Variants in PAX7 observed in about 807,000 individuals in gnomAD.
The protein encoded by PAX7 is paired box protein Pax-7.
PAX7 carries 18 observed loss-of-function variants against 50.7 expected under a neutral mutation model. That is an observed-to-expected ratio of 0.36 (90% CI 0.25 to 0.53). The LOEUF (loss-of-function observed/expected upper bound fraction) is 0.53. Ranked by LOEUF, PAX7 falls within the 20% of genes least tolerant of loss-of-function variation. The pLI is 0.93. For synonymous variants in PAX7, 310 were observed against 290.4 expected (o/e 1.07, Z -0.69); for missense variants, 644 against 702.9 (o/e 0.92, Z 0.95).
chr1:18,647,580 A>G (rs1196488057), intron 4 of PAX7, among the ~76,000 whole-genome samples: 1 of 152,174 alleles, frequency 6.6e-6, no homozygotes, highest in African/African-American at 2.4e-5. Flanking sequence ...TGAGTGAAGC[A>G]TTCTGAGATC....
In PAX7 at chr1:18,744,962, C is replaced by T; in HGVS notation, c.*33C>T. ...GGGGCGACTTGCCCCAGCCCAATTC[C>T]CAGCCCAACCCTAACTGACCCCTGA... On this transcript the variant is annotated 3_prime_UTR_variant, in exon 9 of 9. Transcript: ENST00000420770. 8.0e-7 allele frequency: 1 copy of T among 1,248,298 alleles called. No individual in the cohort carries two copies. The highest frequency in any genetic ancestry group is 1.1e-6 in the Non-Finnish European group (1 of 871,510). The allele number at this position is 1,248,298 out of a possible 1,614,324, so 77.3% of individuals were successfully genotyped here. A position where few individuals can be genotyped will look rare whatever the true frequency, so the allele number is the denominator to read the frequency against.
chr1:18,640,514 C>T (rs2088234940), intron 4 of PAX7, among the ~76,000 whole-genome samples: 1 of 148,792 alleles, frequency 6.7e-6, no homozygotes, highest in Admixed American at 6.7e-5. Flanking sequence ...GAAGCGGGGG[C>T]GAGGGAGGGG....
Position 18,654,753 on chromosome 1 carries a change from C to T in PAX7, c.586+18382C>T, listed in dbSNP as rs76379493. On this transcript the variant is annotated intron_variant, in intron 4 of 8. Coordinates refer to ENST00000420770, the MANE Select transcript of PAX7 (RefSeq NM_001135254.2). Reference sequence around the variant, plus strand: ...AGGATTTACCATGAGCTAGACACAGCTCCTTTAATCAGCACAGCCCTATGA... The same window carrying T: ...AGGATTTACCATGAGCTAGACACAGTTCCTTTAATCAGCACAGCCCTATGA... 8.7e-3 allele frequency among the ~76,000 whole-genome samples: 1,322 copies of T among 152,374 alleles called. 15 individuals are homozygous for T. The highest frequency in any genetic ancestry group is 0.028 in the African/African-American group (1,151 of 41,582).
rs1329794181 is a variant in PAX7, at chr1:18,631,403, C to T, written c.-201C>T. The T allele has an allele frequency of 1.0e-5, 6 of 581,332 alleles. No homozygotes were observed. Among genetic ancestry groups the T allele is most frequent in the Non-Finnish European group, 6.2e-6 (2 of 322,840 alleles). The allele number at this position is 581,332 out of a possible 1,614,324, so 36.0% of individuals were successfully genotyped here. Reference sequence around the variant, plus strand: ...TCCCCCCAACCTCCACCCCACCTCACCCCCCTCCCCAGCTTCTGGACGCGT... The same window carrying T: ...TCCCCCCAACCTCCACCCCACCTCATCCCCCTCCCCAGCTTCTGGACGCGT... On this transcript the variant is annotated 5_prime_UTR_variant, in exon 1 of 9. Coordinates refer to ENST00000420770, the MANE Select transcript of PAX7 (RefSeq NM_001135254.2).
intron 8 of PAX7, among the ~76,000 whole-genome samples, chr1:18,739,731 T>G (rs1534900): frequency 0.032 from 4,809 of 152,276 alleles, 231 homozygotes; most frequent in African/African-American, 0.11. Flanking sequence ...CGTGGGCTTC[T>G]CATCTTGCCA....
chr1:18,636,259 C>T lies in PAX7; in HGVS notation c.474C>T (p.Arg158=), dbSNP rs747061989. ...GAGGTTTAGTGAGTTCGATTAGCCG[C>T]GTGCTCAGAATCAAGTTCGGGAAGA... ...VPSGLVSSIS[R]VLRIKFGKKE... The change falls in exon 4 of 9, where the codon CGC becomes CGT. Residue 158 remains arginine, a synonymous_variant. Coordinates refer to ENST00000420770, the MANE Select transcript of PAX7 (RefSeq NM_001135254.2). This position sits in a 1 kb window ranked among gnomAD's most constrained non-coding sequence, Gnocchi z 5.1. 2.5e-6 allele frequency: 4 copies of T among 1,614,134 alleles called. No individual in the cohort carries two copies. The South Asian group carries it at 3.3e-5, about 13-fold the overall frequency.
intron 8 of PAX7, among the ~76,000 whole-genome samples, chr1:18,740,386 C>T (rs1446647276): frequency 1.3e-5 from 2 of 152,174 alleles, no homozygotes; most frequent in Non-Finnish European, 2.9e-5. Flanking sequence ...GGATAAGGCA[C>T]GCAGAGTGGC....
At chr1:18,637,430 T>G (rs1029103827) in intron 4 of PAX7, among the ~76,000 whole-genome samples, 7 of 152,162 alleles carry the variant, frequency 4.6e-5, no homozygotes, top group African/African-American at 1.7e-4. Flanking sequence ...GGCGGCAGGC[T>G]GAGGGAATCG....
At chr1:18,662,416 GTTCATTCA>G (rs534267038) in intron 4 of PAX7, among the ~76,000 whole-genome samples, 4 of 151,900 alleles carry the variant, frequency 2.6e-5, no homozygotes, top group African/African-American at 7.3e-5. Context: ...TCCTTCTTTA[GTTCATTCA>G]TTCATTCATT....
At chr1:18,693,880 G>A (rs1162395182) in intron 5 of PAX7, among the ~76,000 whole-genome samples, 2 of 152,202 alleles carry the variant, frequency 1.3e-5, no homozygotes, top group Non-Finnish European at 2.9e-5. Flanking sequence ...GCTTTTATTG[G>A]CCCAGGGGAC....
intron 7 of PAX7, among the ~76,000 whole-genome samples, chr1:18,711,629 TGG>T (rs1297157607): frequency 6.6e-6 from 1 of 152,098 alleles, no homozygotes; most frequent in Non-Finnish European, 1.5e-5. Flanking sequence ...CTCAAGCCCC[TGG>T]GGAAGGACGA....
intron 4 of PAX7, among the ~76,000 whole-genome samples, chr1:18,655,086 C>T (rs1396357949): frequency 2.6e-5 from 4 of 152,198 alleles, no homozygotes; most frequent in Non-Finnish European, 5.9e-5. Flanking sequence ...TTTAACTCTG[C>T]TATTTTGTCT....
intron 4 of PAX7, among the ~76,000 whole-genome samples, chr1:18,654,676 A>G (rs777486812): frequency 1.3e-5 from 2 of 152,246 alleles, no homozygotes; most frequent in African/African-American, 2.4e-5. Context: ...TGAACAGAGC[A>G]TGCTCACGTC....
intron 4 of PAX7, among the ~76,000 whole-genome samples, chr1:18,679,199 C>T (rs1490681446): frequency 1.3e-5 from 2 of 152,174 alleles, no homozygotes; most frequent in African/African-American, 4.8e-5. Flanking sequence ...GGTTTAAGTC[C>T]TTCTTCATGG....
Position 18,631,093 on chromosome 1 carries a change from TATAA to T in PAX7, c.-503_-500del. On this transcript the variant is annotated 5_prime_UTR_variant, in exon 1 of 9. Coordinates refer to ENST00000420770, the MANE Select transcript of PAX7 (RefSeq NM_001135254.2). ...GGGAGCGAGAGCGAGAGAATAAATATATAAATAAATACGAGAACGAAATCCACTC... is the reference window on the plus strand; with the variant it reads ...GGGAGCGAGAGCGAGAGAATAAATATATAAATACGAGAACGAAATCCACTC... 1 of 228,830 alleles carries T rather than the reference TATAA, an allele frequency of 4.4e-6. No individual in the cohort carries two copies. Among genetic ancestry groups the T allele is most frequent in the Non-Finnish European group, 8.7e-6 (1 of 115,256 alleles). The allele number at this position is 228,830 out of a possible 1,614,324, so 14.2% of individuals were successfully genotyped here. A position where few individuals can be genotyped will look rare whatever the true frequency, so the allele number is the denominator to read the frequency against.
intron 7 of PAX7, among the ~76,000 whole-genome samples, chr1:18,717,267 C>G (rs1418683143): frequency 6.6e-6 from 1 of 152,176 alleles, no homozygotes; most frequent in Non-Finnish European, 1.5e-5. Flanking sequence ...GCCGCTCGCT[C>G]GTCCAGTCTT....
intron 8 of PAX7, among the ~76,000 whole-genome samples, chr1:18,743,978 A>T (rs538848981): frequency 2.0e-5 from 3 of 152,320 alleles, no homozygotes; most frequent in Admixed American, 6.5e-5. Flanking sequence ...GTTCACACAC[A>T]CAAGTATGCA....
intron 4 of PAX7, among the ~76,000 whole-genome samples, chr1:18,672,352 A>T (rs942798120): frequency 6.6e-6 from 1 of 152,110 alleles, no homozygotes; most frequent in African/African-American, 2.4e-5. Flanking sequence ...CAGAATACAT[A>T]AGATTCTTAT....
At chr1:18,653,943 C>T (rs2088473955) in intron 4 of PAX7, among the ~76,000 whole-genome samples, 1 of 152,060 alleles carries the variant, frequency 6.6e-6, no homozygotes, top group African/African-American at 2.4e-5. Flanking sequence ...CATGCATGTC[C>T]CCATTCTCGT....
Sources: allele counts gnomAD v4.1 joint callset (sites outside exome capture counted in the v4.1 genomes callset), GRCh38; gene constraint gnomAD v4.1.1; non-coding constraint Gnocchi (gnomAD v3.1); transcripts MANE v1.5; gene names NCBI Gene and HGNC (gene_info 2026-07-23, HGNC 2026-07-21).